The following UGT1A3 variants were observed in gnomAD, a reference collection of about 807,000 sequenced individuals.
UGT1A3 encodes the protein UDP-glucuronosyltransferase 1A3.
UGT1A3 carries 31 observed loss-of-function variants against 41.0 expected under a neutral mutation model. The observed-to-expected ratio is 0.76, with a 90% CI of 0.57 to 1.02. UGT1A3 has a LOEUF of 1.02. Ranked by LOEUF, UGT1A3 falls within the 50% of genes least tolerant of loss-of-function variation. The probability of loss-of-function intolerance (pLI) is 0.00; values close to 1 mark genes in which losing one functional copy is unlikely to be tolerated. For synonymous variants in UGT1A3, 262 were observed against 257.6 expected (o/e 1.02, Z -0.17); for missense variants, 737 against 671.0 (o/e 1.10, Z -1.09).
At chr2:233,730,195 G>T (rs1056966798) in intron 1 of UGT1A3, among the ~76,000 whole-genome samples, 6 of 152,186 alleles carry the variant, frequency 3.9e-5, no homozygotes, top group Admixed American at 6.5e-5. Context: ...TCACTGAGAG[G>T]AAGAGGAAGT....
intron 1 of UGT1A3, among the ~76,000 whole-genome samples, chr2:233,758,599 C>A (rs1696920593): frequency 6.6e-6 from 1 of 152,110 alleles, no homozygotes; most frequent in Admixed American, 6.5e-5. Flanking sequence ...TGGGGAGGAG[C>A]TTCAGTGTGC....
At position 233,729,152 on chromosome 2, in the gene UGT1A3, T is replaced by C. The variant is rs749302324; in HGVS notation, c.26T>C (p.Leu9Pro). The change falls in exon 1 of 5, where the codon CTG becomes CCG. Residue 9 changes from leucine (L) to proline (P), a missense_variant. By Grantham distance (98) the Leu-to-Pro change is moderately conservative. Coordinates refer to ENST00000482026, the MANE Select transcript of UGT1A3 (RefSeq NM_019093.4). MATGLQVPLPWLATGLLLL... is the reference protein window; with the variant it reads MATGLQVPPPWLATGLLLL... Reference sequence around the variant, plus strand: ...ATGGCCACAGGACTCCAGGTTCCCCTGCCGTGGCTGGCCACAGGACTGCTG... The same window carrying C: ...ATGGCCACAGGACTCCAGGTTCCCCCGCCGTGGCTGGCCACAGGACTGCTG... 3 of 1,613,556 alleles carry C rather than the reference T, an allele frequency of 1.9e-6. No individual in the cohort carries two copies. The highest frequency in any genetic ancestry group is 2.5e-6 in the Non-Finnish European group (3 of 1,179,906).
chr2:233,766,887 T>G, intron 1 of UGT1A3, 147 bp from the exon 2 acceptor site: 1 of 1,461,916 alleles, frequency 6.8e-7, no homozygotes, highest in Non-Finnish European at 9.0e-7. Context: ...CTGTAAAACT[T>G]ACATATTAAT....
At chr2:233,756,081 A>G (rs1239425363) in intron 1 of UGT1A3, 2 of 152,230 alleles carry the variant, frequency 1.3e-5, no homozygotes, top group South Asian at 2.1e-4. Context: ...ACAATGAGAA[A>G]ATCAAGTAAC....
chr2:233,748,518 A>T lies in UGT1A3; in HGVS notation c.868-18516A>T, dbSNP rs151219324. Among the ~76,000 whole-genome samples the T allele has an allele frequency of 4.6e-3, 699 of 151,972 alleles. 22 individuals carry two copies. The highest frequency in any genetic ancestry group is 0.016 in the African/African-American group (660 of 41,240). Reference sequence around the variant, plus strand: ...TAATTTTTAGTGGTCCTGTCTTGCGAATGATAGAGAGGTGACCACAGGAGA... The same window carrying T: ...TAATTTTTAGTGGTCCTGTCTTGCGTATGATAGAGAGGTGACCACAGGAGA... On this transcript the variant is annotated intron_variant, in intron 1 of 4. Coordinates refer to ENST00000482026, the MANE Select transcript of UGT1A3 (RefSeq NM_019093.4).
At chr2:233,731,452 C>A (rs2078164427) in intron 1 of UGT1A3, among the ~76,000 whole-genome samples, 1 of 152,066 alleles carries the variant, frequency 6.6e-6, no homozygotes. Context: ...CACCCCACAA[C>A]AGGCCCTGGC....
chr2:233,735,336 G>GC (rs1210118835), intron 1 of UGT1A3, among the ~76,000 whole-genome samples: 3 of 151,898 alleles, frequency 2.0e-5, no homozygotes, highest in Non-Finnish European at 2.9e-5. Flanking sequence ...TGCAACCCCT[G>GC]CTTTTTTTTT....
chr2:233,773,246 T>C lies in UGT1A3; in HGVS notation c.*687T>C, dbSNP rs1484380021. 6.6e-6 allele frequency: 1 copy of C among 152,366 alleles called. No homozygotes were observed. The highest frequency in any genetic ancestry group is 6.5e-5 in the Admixed American group (1 of 15,284). The allele number at this position is 152,366 out of a possible 1,614,324, so 9.4% of individuals were successfully genotyped here. The stretch of plus-strand genomic sequence containing the variant: ...TATGAAGTGCTGGGCAAGTTTACTT[T>C]TTTTCTGATGTTTCCTACAACTAAA... On this transcript the variant is annotated 3_prime_UTR_variant, in exon 5 of 5. Coordinates refer to ENST00000482026, the MANE Select transcript of UGT1A3 (RefSeq NM_019093.4).
At chr2:233,748,415 T>A (rs1693936731) in intron 1 of UGT1A3, among the ~76,000 whole-genome samples, 1 of 151,852 alleles carries the variant, frequency 6.6e-6, no homozygotes, top group Non-Finnish European at 1.5e-5. Context: ...ACATTGAGAC[T>A]TGACCCATCT....
At chr2:233,767,722 A>T (rs1699460301) in intron 2 of UGT1A3, 127 bp from the exon 3 acceptor site, 6 of 1,548,124 alleles carry the variant, frequency 3.9e-6, no homozygotes, top group Middle Eastern at 3.4e-4. Flanking sequence ...CTTCACAGTT[A>T]CTGATCCTCC....
chr2:233,746,472 A>G (rs1693402163), intron 1 of UGT1A3, among the ~76,000 whole-genome samples: 1 of 151,654 alleles, frequency 6.6e-6, no homozygotes, highest in Admixed American at 6.6e-5. Flanking sequence ...GGTTCCAGAA[A>G]CACTTTCCAT....
chr2:233,748,945 A>T (rs1040839145), intron 1 of UGT1A3, among the ~76,000 whole-genome samples: 1 of 151,666 alleles, frequency 6.6e-6, no homozygotes, highest in Non-Finnish European at 1.5e-5. Context: ...AACCCACCCT[A>T]TCCCACTCCA....
rs1436464703 is a variant in UGT1A3 at position 233,735,153 on chromosome 2, C to G, written c.867+5160C>G. Among the ~76,000 whole-genome samples the G allele has an allele frequency of 3.9e-5, 6 of 152,130 alleles. No individual in the cohort carries two copies. In the East Asian group the frequency reaches 1.2e-3, roughly 29 times the overall value. ...ATTATTATTGTGTGGGAGTCTAAGT[C>G]TCTGTGTAGGTCTCTAAGAACTTGC... On this transcript the variant is annotated intron_variant, in intron 1 of 4. Coordinates refer to ENST00000482026, the MANE Select transcript of UGT1A3 (RefSeq NM_019093.4).
rs974078775 is a variant in UGT1A3, at chr2:233,743,284, C to A, written c.867+13291C>A. 1.2e-4 allele frequency: 61 copies of A among 507,042 alleles called. 3 individuals are homozygous for A. The highest frequency in any genetic ancestry group is 1.0e-3 in the African/African-American group (49 of 48,728). 31.4% of individuals were successfully genotyped at this position (507,042 alleles called of 1,614,324 possible). A position where few individuals can be genotyped will look rare whatever the true frequency, so the allele number is the denominator to read the frequency against. On this transcript the variant is annotated intron_variant, in intron 1 of 4. Transcript: ENST00000482026. ...TTCCTCCACTTCCACCCTTTCTTGG[C>A]CATTCTCAATGATTCTCTTGGTGGT...
At position 233,767,045 on chromosome 2, in the gene UGT1A3, CT is replaced by C. The variant is rs756697968; in HGVS notation, c.880del (p.Tyr294ThrfsTer73). On this transcript the variant is annotated frameshift_variant, in exon 2 of 5. Coordinates refer to ENST00000482026, the MANE Select transcript of UGT1A3 (RefSeq NM_019093.4). LOFTEE classifies it high-confidence loss of function. The part of the protein sequence containing the change: ...RKPLSQEFEA[Y>X]INASGEHGIV... The stretch of plus-strand genomic sequence containing the variant: ...TCTTCTGGCTCTAGGAATTTGAAGC[CT>C]ACATTAATGCTTCTGGAGAACATGG... 7.4e-6 allele frequency: 12 copies of C among 1,613,888 alleles called. No homozygotes were observed. The highest frequency in any genetic ancestry group is 9.3e-6 in the Non-Finnish European group (11 of 1,179,996).
intron 1 of UGT1A3, chr2:233,743,017 T>G (rs1054805): frequency 8.4e-6 from 2 of 239,502 alleles, no homozygotes; most frequent in African/African-American, 2.3e-5. Flanking sequence ...TTACAACGAT[T>G]GAAAGACAAA....
chr2:233,768,591 T>C, intron 4 of UGT1A3, 152 bp downstream of exon 4: 1 of 1,076,328 alleles, frequency 9.3e-7, no homozygotes, highest in Non-Finnish European at 1.2e-6. Context: ...TCTTTTTTTT[T>C]TTTTTTTTTT....
At chr2:233,731,192 A>C (rs1451773849) in intron 1 of UGT1A3, among the ~76,000 whole-genome samples, 1 of 152,106 alleles carries the variant, frequency 6.6e-6, no homozygotes. Context: ...GTAATTATTC[A>C]ATTATAAAAT....
rs764191993 is a variant in UGT1A3 at position 233,729,782 on chromosome 2, C to T, written c.656C>T (p.Ala219Val). Residue 219 changes from alanine to valine, a missense_variant, in exon 1 of 5, where the codon GCC becomes GTC. Transcript: ENST00000482026. ...GTCAAGAACATGCTCTACCCTCTGG[C>T]CCTGTCCTACATTTGCCATGCTTTT... ...QRVKNMLYPL[A>V]LSYICHAFSA... 4 of 1,613,938 alleles carry T rather than the reference C, an allele frequency of 2.5e-6. No individual in the cohort carries two copies. The highest frequency in any genetic ancestry group is 2.5e-6 in the Non-Finnish European group (3 of 1,179,862).
Sources: allele counts gnomAD v4.1 joint callset (sites outside exome capture counted in the v4.1 genomes callset), GRCh38; gene constraint gnomAD v4.1.1; transcripts MANE v1.5; gene names NCBI Gene and HGNC (gene_info 2026-07-23, HGNC 2026-07-21).